Variants in GPC6 observed in about 807,000 individuals in gnomAD.
GPC6 encodes glypican 6.
GPC6 carries 14 observed loss-of-function variants against 55.2 expected under a neutral mutation model. The ratio of observed to expected loss-of-function variants is 0.25; its 90% CI spans 0.17 to 0.40. The LOEUF is 0.40. Among genes scored for constraint, GPC6 ranks in the 10% least tolerant of loss-of-function variants. The pLI is 1.00. For missense variants in GPC6, 641 were observed against 708.5 expected, an observed-to-expected ratio of 0.90 and a Z score of 1.08; for synonymous variants, 278 against 259.6, an observed-to-expected ratio of 1.07 and a Z score of -0.68.
intron 6 of GPC6, among the ~76,000 whole-genome samples, chr13:94,353,524 A>C (rs1042099980): frequency 6.6e-6 from 1 of 152,128 alleles, no homozygotes; most frequent in African/African-American, 2.4e-5. Context: ...AGGCCTCTCC[A>C]CTAATTAACA....
chr13:93,347,747 C>T (rs1303573510), intron 1 of GPC6, among the ~76,000 whole-genome samples: 1 of 152,266 alleles, frequency 6.6e-6, no homozygotes, highest in Non-Finnish European at 1.5e-5. Flanking sequence ...GTCTTCAATG[C>T]ACTCCAGGCT....
intron 2 of GPC6, among the ~76,000 whole-genome samples, chr13:93,747,799 C>G (rs1462567348): frequency 4.6e-5 from 7 of 152,104 alleles, no homozygotes; most frequent in Non-Finnish European, 4.4e-5. Context: ...TTCAACTTAC[C>G]ATTGTTTCAA....
At chr13:94,296,975 A>C (rs997207022) in intron 5 of GPC6, among the ~76,000 whole-genome samples, 5 of 152,170 alleles carry the variant, frequency 3.3e-5, no homozygotes, top group African/African-American at 1.2e-4. Flanking sequence ...GCGTTTGTTA[A>C]TAAACACATT....
intron 6 of GPC6, among the ~76,000 whole-genome samples, chr13:94,343,348 G>C (rs1210344024): frequency 6.6e-6 from 1 of 152,114 alleles, no homozygotes; most frequent in African/African-American, 2.4e-5. Flanking sequence ...AATGAAGCCC[G>C]CAGCCTTTGC....
At chr13:93,245,113 G>A (rs1876555241) in intron 1 of GPC6, among the ~76,000 whole-genome samples, 1 of 152,118 alleles carries the variant, frequency 6.6e-6, no homozygotes, top group African/African-American at 2.4e-5. Flanking sequence ...GGTGTGGAGG[G>A]GACACTGATT....
chr13:93,415,773 C>T (rs1876675266), intron 1 of GPC6, among the ~76,000 whole-genome samples: 1 of 151,938 alleles, frequency 6.6e-6, no homozygotes. Flanking sequence ...TTTTTTAGGT[C>T]TTTAGGATTT....
chr13:93,830,289 G>C lies in GPC6; in HGVS notation c.455G>C (p.Gly152Ala), dbSNP rs1443646718. Residue 152 changes from glycine (G) to alanine (A), a missense_variant, in exon 3 of 9, where the codon GGG becomes GCG. By Grantham distance (60) the Gly-to-Ala change is moderately conservative (BLOSUM62 0). Transcript: ENST00000377047. ...LFTELKRYYT[G>A]GNVNLEEMLN... ...ACAGAGCTGAAAAGGTACTACACTG[G>C]GGGTAATGTGAATCTGGAGGAAATG... 5.6e-6 allele frequency: 9 copies of C among 1,613,832 alleles called. No individual in the cohort carries two copies. Among genetic ancestry groups the C allele is most frequent in the South Asian group, 3.3e-5 (3 of 91,072 alleles).
chr13:94,203,998 T>C (rs1889830791), intron 4 of GPC6, among the ~76,000 whole-genome samples: 1 of 152,164 alleles, frequency 6.6e-6, no homozygotes. Context: ...CTACTATATG[T>C]TTACCTACTT....
At chr13:93,300,223 C>T (rs1468425672) in intron 1 of GPC6, among the ~76,000 whole-genome samples, 1 of 152,152 alleles carries the variant, frequency 6.6e-6, no homozygotes, top group African/African-American at 2.4e-5. Flanking sequence ...TCCTTAATGG[C>T]TTTTCAGGTG....
intron 2 of GPC6, among the ~76,000 whole-genome samples, chr13:93,737,433 AC>A (rs2094640738): frequency 6.6e-6 from 1 of 152,200 alleles, no homozygotes; most frequent in Non-Finnish European, 1.5e-5. Context: ...TCAATTAAAA[AC>A]AACAGGAGCA....
chr13:94,011,109 C>T (rs753339267), intron 3 of GPC6, among the ~76,000 whole-genome samples: 29 of 152,080 alleles, frequency 1.9e-4, no homozygotes, highest in Non-Finnish European at 4.0e-4. Flanking sequence ...TTCCTTTCCA[C>T]TAAAGGAGAA....
intron 2 of GPC6, among the ~76,000 whole-genome samples, chr13:93,825,316 G>C (rs1887193258): frequency 1.3e-5 from 2 of 152,122 alleles, no homozygotes; most frequent in African/African-American, 4.8e-5. Context: ...CCAAACCCCT[G>C]CCCAAAGAAA....
At chr13:94,265,871 G>A (rs1891786214) in intron 4 of GPC6, among the ~76,000 whole-genome samples, 1 of 152,286 alleles carries the variant, frequency 6.6e-6, no homozygotes, top group East Asian at 1.9e-4. Flanking sequence ...TTATCAATTT[G>A]TTTTATTGGC....
At chr13:93,897,937 T>A (rs1876107645) in intron 3 of GPC6, among the ~76,000 whole-genome samples, 1 of 152,168 alleles carries the variant, frequency 6.6e-6, no homozygotes. Flanking sequence ...CTTTCAGTCA[T>A]ATCATCTAAA....
intron 4 of GPC6, among the ~76,000 whole-genome samples, chr13:94,251,320 G>C (rs1322847536): frequency 2.0e-5 from 3 of 151,666 alleles, no homozygotes; most frequent in East Asian, 1.9e-4. Flanking sequence ...GGGCAAAGCG[G>C]GGGAGAGCAT....
At chr13:94,090,280 G>C (rs1885434183) in intron 4 of GPC6, among the ~76,000 whole-genome samples, 2 of 152,032 alleles carry the variant, frequency 1.3e-5, no homozygotes, top group African/African-American at 4.8e-5. Flanking sequence ...CGGCCCCTGT[G>C]ATTTAATTAC....
intron 2 of GPC6, among the ~76,000 whole-genome samples, chr13:93,595,624 T>A (rs1482669469): frequency 6.6e-6 from 1 of 152,174 alleles, no homozygotes; most frequent in Non-Finnish European, 1.5e-5. Flanking sequence ...TTGTCCTGTG[T>A]CTCATTCCAT....
chr13:94,255,475 T>C (rs1488885611), intron 4 of GPC6, among the ~76,000 whole-genome samples: 3 of 152,214 alleles, frequency 2.0e-5, no homozygotes, highest in South Asian at 2.1e-4. Flanking sequence ...AGAAGCCATG[T>C]GTGGAAGGAC....
At chr13:93,513,831 C>T in intron 1 of GPC6, among the ~76,000 whole-genome samples, 1 of 150,856 alleles carries the variant, frequency 6.6e-6, no homozygotes, top group Non-Finnish European at 1.5e-5. Context: ...TTCCCAAACA[C>T]CAGTGGCATG....
Sources: gnomAD v4.1 joint callset for allele counts (sites outside exome capture counted in the v4.1 genomes callset) on GRCh38, gnomAD v4.1.1 for gene constraint, MANE v1.5 for transcripts, NCBI Gene and HGNC (gene_info 2026-07-23, HGNC 2026-07-21) for gene names.